PBX1: variants seen among roughly 807,000 people sequenced by gnomAD.
PBX1 encodes pre-B-cell leukemia transcription factor 1.
Under a neutral mutation model 53.4 loss-of-function variants are expected in PBX1, and 6 were observed. The ratio of observed to expected loss-of-function variants is 0.11; its 90% confidence interval spans 0.06 to 0.22. The LOEUF (loss-of-function observed/expected upper bound fraction) is 0.22, where lower values mean the gene tolerates loss of function less well. Among genes scored for constraint, PBX1 ranks in the 10% least tolerant of loss-of-function variants. The pLI, the probability that PBX1 is intolerant of heterozygous loss-of-function variation, is 1.00. For synonymous variants in PBX1, 204 were observed against 212.3 expected (o/e 0.96, Z 0.34); for missense variants, 251 against 551.4 (o/e 0.46, Z 5.46).
intron 2 of PBX1, among the ~76,000 whole-genome samples, chr1:164,857,224 ATAAT>A (rs1226110454): frequency 1.3e-5 from 2 of 152,170 alleles, no homozygotes; most frequent in Admixed American, 6.5e-5. Flanking sequence ...CTCAAATTCA[ATAAT>A]TTGCTGGAAT....
rs1041811833 is a variant in PBX1, at chr1:164,846,745, C to T, written c.*69C>T. 52 of 1,612,438 alleles carry T rather than the reference C, an allele frequency of 3.2e-5. No homozygotes were observed. The highest frequency in any genetic ancestry group is 1.8e-4 in the Middle Eastern group (1 of 5,624). ...GGCAGGGGCAGGAGGGAGGGTTTCT[C>T]TCCCAACGCTGAAGCGGTCAGACTG... On this transcript the variant is annotated 3_prime_UTR_variant, in exon 9 of 9. Coordinates refer to ENST00000420696, the MANE Select transcript of PBX1 (RefSeq NM_002585.4).
At chr1:164,639,912 C>T (rs1263143999) in intron 2 of PBX1, among the ~76,000 whole-genome samples, 1 of 151,906 alleles carries the variant, frequency 6.6e-6, no homozygotes, top group Non-Finnish European at 1.5e-5. Context: ...GATCCTCCTA[C>T]CTTGCCTCTC....
At chr1:164,740,728 G>A (rs973032073) in intron 2 of PBX1, among the ~76,000 whole-genome samples, 4 of 152,206 alleles carry the variant, frequency 2.6e-5, no homozygotes, top group African/African-American at 4.8e-5. Context: ...CATTATCTTC[G>A]CTCTCAAGGA....
At chr1:164,865,038 G>A (rs796361184) in intron 2 of PBX1, among the ~76,000 whole-genome samples, 20 of 152,362 alleles carry the variant, frequency 1.3e-4, no homozygotes, top group African/African-American at 4.8e-4. Context: ...GACAGTGACA[G>A]TCACCATGGT....
intron 2 of PBX1, among the ~76,000 whole-genome samples, chr1:164,618,663 T>A (rs1411032240): frequency 2.6e-5 from 4 of 152,196 alleles, no homozygotes; most frequent in African/African-American, 9.6e-5. Context: ...GCTTCAGTAA[T>A]CCTATCACTT....
intron 2 of PBX1, among the ~76,000 whole-genome samples, chr1:164,596,306 A>G (rs143713937): frequency 9.8e-5 from 15 of 152,320 alleles, no homozygotes; most frequent in Admixed American, 2.6e-4. Context: ...CTACATGGTA[A>G]ATATGCACTC....
intron 2 of PBX1, among the ~76,000 whole-genome samples, chr1:164,637,679 G>A (rs967360028): frequency 6.6e-6 from 1 of 152,196 alleles, no homozygotes; most frequent in Non-Finnish European, 1.5e-5. Flanking sequence ...GTGAGGAGAG[G>A]CCTGCCAAGT....
chr1:164,608,226 C>T (rs560469431), intron 2 of PBX1, among the ~76,000 whole-genome samples: 1 of 152,262 alleles, frequency 6.6e-6, no homozygotes, highest in African/African-American at 2.4e-5. Context: ...CAGCATGTGC[C>T]AAGTACTGTG....
chr1:164,607,021 G>A (rs1656603239), intron 2 of PBX1, among the ~76,000 whole-genome samples: 1 of 152,248 alleles, frequency 6.6e-6, no homozygotes, highest in Non-Finnish European at 1.5e-5. Context: ...GAGCAAGTTT[G>A]TGGCACACCA....
chr1:164,767,167 T>C (rs755347910), intron 2 of PBX1, among the ~76,000 whole-genome samples: 1 of 152,182 alleles, frequency 6.6e-6, no homozygotes, highest in Non-Finnish European at 1.5e-5. Flanking sequence ...GTTCACTCTT[T>C]ACAAAATAGT....
chr1:164,769,934 T>C (rs6670655), intron 2 of PBX1: 107,947 of 151,982 alleles, frequency 0.71, 38,866 homozygotes, highest in South Asian at 0.85. Flanking sequence ...AAGCAGACAG[T>C]CCATGCTTAT....
chr1:164,764,513 C>T (rs2102229352), intron 2 of PBX1, among the ~76,000 whole-genome samples: 1 of 152,290 alleles, frequency 6.6e-6, no homozygotes, highest in East Asian at 1.9e-4. Context: ...CATAAGTGAG[C>T]TCTGCTGGTC....
rs1331587809 is a variant in PBX1, at chr1:164,881,356, GGAAGGAGGAAAA to G, written n.258-17825_258-17814del. Among the ~76,000 whole-genome samples, 34 of 93,660 alleles carry G rather than the reference GGAAGGAGGAAAA, an allele frequency of 3.6e-4. 1 individual carries two copies. The South Asian group carries it at 0.013, about 36-fold the overall frequency. 61.4% of individuals were successfully genotyped at this position (93,660 alleles called of 152,430 possible). Reference sequence around the variant, plus strand: ...AAGAAGGAAGGAAGGAAGGAAGGAAGGAAGGAGGAAAAGAAGGAAGGAAGGAAGGAAGGAAGG... The same window carrying G: ...AAGAAGGAAGGAAGGAAGGAAGGAAGGAAGGAAGGAAGGAAGGAAGGAAGG... On this transcript the variant is annotated intron_variant and non_coding_transcript_variant, in intron 2 of 2. Transcript: ENST00000558796.
chr1:164,699,117 G>T (rs1337686793), intron 2 of PBX1, among the ~76,000 whole-genome samples: 2 of 152,196 alleles, frequency 1.3e-5, no homozygotes, highest in Non-Finnish European at 2.9e-5. Flanking sequence ...ATAGCAGCGG[G>T]CCTGGGTGAT....
chr1:164,869,428 G>A (rs1359777328), intron 2 of PBX1, among the ~76,000 whole-genome samples: 1 of 152,162 alleles, frequency 6.6e-6, no homozygotes, highest in Non-Finnish European at 1.5e-5. Flanking sequence ...GAGATGTGAG[G>A]ACAAAATATG....
At chr1:164,818,180 A>T (rs1669968121) in intron 6 of PBX1, 1 of 152,226 alleles carries the variant, frequency 6.6e-6, no homozygotes, top group Non-Finnish European at 1.5e-5. Flanking sequence ...GGATAGAACT[A>T]GTATATAGAG....
intron 2 of PBX1, among the ~76,000 whole-genome samples, chr1:164,778,279 A>T (rs1404835957): frequency 1.3e-5 from 2 of 152,352 alleles, no homozygotes; most frequent in Admixed American, 1.3e-4. Context: ...GCATTAAAAA[A>T]AAGTGTTTGC....
chr1:164,834,059 G>T (rs1451656221), intron 8 of PBX1, among the ~76,000 whole-genome samples: 2 of 150,820 alleles, frequency 1.3e-5, no homozygotes, highest in Admixed American at 6.6e-5. Flanking sequence ...GTGTGTGTGT[G>T]TGTGTGTGTG....
intron 2 of PBX1, among the ~76,000 whole-genome samples, chr1:164,603,409 G>T (rs181978699): frequency 2.0e-5 from 3 of 152,234 alleles, no homozygotes; most frequent in Non-Finnish European, 4.4e-5. Flanking sequence ...TTGTCCTGGA[G>T]GACCTGGCCA....
Sources: allele counts gnomAD v4.1 joint callset (sites outside exome capture counted in the v4.1 genomes callset), GRCh38; gene constraint gnomAD v4.1.1; transcripts MANE v1.5; gene names NCBI Gene and HGNC (gene_info 2026-07-23, HGNC 2026-07-21).